Variants in CIZ1 observed in about 807,000 individuals in gnomAD.
The protein encoded by CIZ1 is CDKN1A interacting zinc finger protein 1.
A neutral mutation model predicts 118.6 loss-of-function variants in CIZ1; 58 were observed. The ratio of observed to expected loss-of-function variants is 0.49; its 90% CI spans 0.40 to 0.61. The LOEUF is 0.61. CIZ1 is among the 20% of genes least tolerant of loss of function. The probability of loss-of-function intolerance (pLI) is 0.00; values close to 1 mark genes in which losing one functional copy is unlikely to be tolerated. For missense variants in CIZ1, 921 were observed against 1,115.9 expected (o/e 0.83, Z 2.49); for synonymous variants, 448 against 443.4 (o/e 1.01, Z -0.13).
upstream of CIZ1, among the ~76,000 whole-genome samples, chr9:128,193,368 C>T (rs949211543): frequency 2.6e-5 from 4 of 152,064 alleles, no homozygotes; most frequent in Admixed American, 2.6e-4. Flanking sequence ...AACCCGCTCC[C>T]GTGAAAACCA....
At chr9:128,188,790 G>A (rs534419662) in intron 3 of CIZ1, among the ~76,000 whole-genome samples, 20 of 150,122 alleles carry the variant, frequency 1.3e-4, no homozygotes, top group African/African-American at 2.2e-4. Flanking sequence ...ACGCCACCAC[G>A]CCCAGCCAAT....
In CIZ1 at chr9:128,178,461, C is replaced by A. The variant is rs1360787901; in HGVS notation, c.1528G>T (p.Gly510Cys). The change falls in exon 9 of 17, where the codon GGC becomes TGC. Residue 510 changes from glycine to cysteine, a missense_variant. Coordinates refer to ENST00000372938, the MANE Select transcript of CIZ1 (RefSeq NM_001131016.2). ...ATCTCTTCCATGCTGACTTGGGTGC[C>A]CACAGGCTCTGGCAAGGTCTTTTCC... The part of the protein sequence containing the change: ...GMEKTLPEPV[G>C]TQVSMEEIQN... 2 of 1,614,202 alleles carry A rather than the reference C, an allele frequency of 1.2e-6. No homozygotes were observed. Among genetic ancestry groups the A allele is most frequent in the Non-Finnish European group, 1.7e-6 (2 of 1,180,026 alleles).
At chr9:128,193,508 C>T (rs1014076103), upstream of CIZ1, among the ~76,000 whole-genome samples, 2 of 151,816 alleles carry the variant, frequency 1.3e-5, no homozygotes, top group African/African-American at 2.4e-5. Flanking sequence ...GTCAGGAGTT[C>T]GACACCAGCC....
upstream of CIZ1, among the ~76,000 whole-genome samples, chr9:128,192,821 G>C (rs1224994470): frequency 1.3e-5 from 2 of 152,360 alleles, no homozygotes; most frequent in African/African-American, 4.8e-5. Context: ...GGGATTACAG[G>C]GGTGAGCCAC....
At chr9:128,168,766 C>T (rs1829761674) in intron 14 of CIZ1, 2 of 408,014 alleles carry the variant, frequency 4.9e-6, no homozygotes, top group Non-Finnish European at 4.6e-6. Flanking sequence ...TTTTCCTTTG[C>T]ACACTACATA....
intron 3 of CIZ1, among the ~76,000 whole-genome samples, chr9:128,188,434 T>A (rs1329304718): frequency 6.6e-6 from 1 of 152,150 alleles, no homozygotes; most frequent in African/African-American, 2.4e-5. Context: ...GGTTTTCCTA[T>A]CCCCATTTTT....
upstream of CIZ1, among the ~76,000 whole-genome samples, chr9:128,196,604 A>G (rs1456364966): frequency 6.6e-6 from 1 of 151,420 alleles, no homozygotes; most frequent in Non-Finnish European, 1.5e-5. Context: ...GAATGTCTCT[A>G]TTATTTATTT....
chr9:128,183,923 G>C (rs1394638469), intron 5 of CIZ1, among the ~76,000 whole-genome samples: 1 of 152,078 alleles, frequency 6.6e-6, no homozygotes, highest in Non-Finnish European at 1.5e-5. Flanking sequence ...CCCGCCACTA[G>C]GGCCCAGCTA....
intron 3 of CIZ1, among the ~76,000 whole-genome samples, 196 bp from the exon 4 acceptor site, chr9:128,188,130 A>AAT (rs55652007): frequency 6.8e-6 from 1 of 147,180 alleles, no homozygotes; most frequent in Non-Finnish European, 1.5e-5. Flanking sequence ...AAAAAAAAAA[A>AAT]GGAAAGAGCC....
At position 128,166,917 on chromosome 9, in the gene CIZ1, C is replaced by T; in HGVS notation, c.2366-37G>A. ...GATGGCAGGGTCTGCACTCACATCC[C>T]TGTACCAGCGAGGTGTCCCTCCCTC... is the stretch of plus-strand genomic sequence containing the variant. On this transcript the variant is annotated intron_variant, in intron 15 of 16. Coordinates refer to ENST00000372938, the MANE Select transcript of CIZ1 (RefSeq NM_001131016.2). The surrounding 1 kb of genome is among the most constrained non-coding windows in gnomAD (Gnocchi z 4.4). 6.2e-7 allele frequency: 1 copy of T among 1,613,928 alleles called. No individual in the cohort carries two copies. The highest frequency in any genetic ancestry group is 8.5e-7 in the Non-Finnish European group (1 of 1,179,862).
Position 128,169,459 on chromosome 9 carries a change from G to C in CIZ1, c.2092C>G (p.Arg698Gly). 1 of 1,614,188 alleles carries C rather than the reference G, an allele frequency of 6.2e-7. No individual in the cohort carries two copies. Among genetic ancestry groups the C allele is most frequent in the Non-Finnish European group, 8.5e-7 (1 of 1,180,042 alleles). The change falls in exon 13 of 17, where the codon CGC (arginine) becomes GGC (glycine). Residue 698 changes from arginine to glycine, a missense_variant. Arg to Gly is a moderately radical substitution (Grantham distance 125, BLOSUM62 -2). Coordinates refer to ENST00000372938, the MANE Select transcript of CIZ1 (RefSeq NM_001131016.2). ...GACTTCACGTGCTCCACAAACTTGC[G>C]AGGGGTTTTGAAGTAGCGGTTGCAA... ...TVCNRYFKTP[R>G]KFVEHVKSQG...
Position 128,166,450 on chromosome 9 carries a change from A to G in CIZ1, c.2488-44T>C, listed in dbSNP as rs1829433245. ...GGTAAGGTCAGGGTCTCCTCCCTAC[A>G]TGGTATGCTCCTGGCCAGCAGCTAC... On this transcript the variant is annotated intron_variant, in intron 16 of 16. Transcript: ENST00000372938. The surrounding 1 kb of genome is among the most constrained non-coding windows in gnomAD (Gnocchi z 4.4). 2 of 1,415,914 alleles carry G rather than the reference A, an allele frequency of 1.4e-6. No homozygotes were observed. Among genetic ancestry groups the G allele is most frequent in the Non-Finnish European group, 1.9e-6 (2 of 1,046,098 alleles). 87.7% of individuals were successfully genotyped at this position (1,415,914 alleles called of 1,614,324 possible).
chr9:128,167,923 C>G (rs1467570382), intron 14 of CIZ1, among the ~76,000 whole-genome samples: 2 of 152,216 alleles, frequency 1.3e-5, no homozygotes, highest in Non-Finnish European at 2.9e-5. Flanking sequence ...GCAGAGGCAA[C>G]TGAGGCTCAG....
upstream of CIZ1, among the ~76,000 whole-genome samples, chr9:128,194,118 T>C (rs917244316): frequency 6.6e-6 from 1 of 151,988 alleles, no homozygotes; most frequent in African/African-American, 2.4e-5. Context: ...TCCCAGCACT[T>C]TGGGAGGCTG....
In CIZ1 at chr9:128,203,479, C is replaced by A; in HGVS notation, c.-6+707G>T. 1 of 1,510,354 alleles carries A rather than the reference C, an allele frequency of 6.6e-7. No individual in the cohort carries two copies. The allele number at this position is 1,510,354 out of a possible 1,614,324, so 93.6% of individuals were successfully genotyped here. On this transcript the variant is annotated intron_variant, in intron 1 of 17. Transcript: ENST00000372948. This position sits in a 1 kb window ranked among gnomAD's most constrained non-coding sequence, Gnocchi z 5.3. ...CGGGGCCCGCCGCAGCCATGGGCAA[C>A]CGCGGCATGGAAGATCTCATCCCGC...
intron 11 of CIZ1, among the ~76,000 whole-genome samples, chr9:128,173,450 A>AT (rs910930723): frequency 1.3e-5 from 2 of 150,380 alleles, no homozygotes; most frequent in Non-Finnish European, 3.0e-5. Flanking sequence ...CGGCCGGCTA[A>AT]TTTTTTTATA....
intron 11 of CIZ1, among the ~76,000 whole-genome samples, chr9:128,174,074 A>G (rs1343188616): frequency 1.3e-5 from 2 of 152,116 alleles, no homozygotes; most frequent in Non-Finnish European, 1.5e-5. Flanking sequence ...CTTAGTTCAC[A>G]GCACCTGCCC....
Position 128,190,734 on chromosome 9 carries a change from G to T in CIZ1, c.124C>A (p.Leu42Ile). Residue 42 changes from leucine (L) to isoleucine (I), a missense_variant, in exon 2 of 17, where the codon CTC becomes ATC. Coordinates refer to ENST00000372938, the MANE Select transcript of CIZ1 (RefSeq NM_001131016.2). Reference sequence around the variant, plus strand: ...GGGGCCTGTGGTGGGGACTGCTGGAGCAGCTGCTGGAGCTGCAGTAACTGC... The same window carrying T: ...GGGGCCTGTGGTGGGGACTGCTGGATCAGCTGCTGGAGCTGCAGTAACTGC... ...QQQLLQLQQL[L>I]QQSPPQAPLP... The T allele has an allele frequency of 6.5e-7, 1 of 1,549,790 alleles. No homozygotes were observed.
intron 4 of CIZ1, among the ~76,000 whole-genome samples, chr9:128,187,027 C>T (rs1348099078): frequency 1.3e-5 from 2 of 151,260 alleles, no homozygotes; most frequent in African/African-American, 2.4e-5. Context: ...GCAACCTCTG[C>T]CTCCTGGGTT....
Sources: allele counts gnomAD v4.1 joint callset (sites outside exome capture counted in the v4.1 genomes callset), GRCh38; gene constraint gnomAD v4.1.1; non-coding constraint Gnocchi (gnomAD v3.1); transcripts MANE v1.5; gene names NCBI Gene and HGNC (gene_info 2026-07-23, HGNC 2026-07-21).